RPH3A: variants seen among roughly 807,000 people sequenced by gnomAD.
RPH3A encodes the protein rabphilin-3A.
A neutral mutation model predicts 102.2 loss-of-function variants in RPH3A; 48 were observed. That is an observed-to-expected ratio of 0.47 (90% confidence interval 0.37 to 0.60). The LOEUF (loss-of-function observed/expected upper bound fraction) is 0.60, where lower values mean the gene tolerates loss of function less well. Ranked by LOEUF, RPH3A falls within the 20% of genes least tolerant of loss-of-function variation. RPH3A has a pLI of 0.00. For synonymous variants in RPH3A, 310 were observed against 324.3 expected (o/e 0.96, Z 0.47); for missense variants, 781 against 910.1 (o/e 0.86, Z 1.83).
chr12:112,789,534 T>C (rs1477718482), upstream of RPH3A, among the ~76,000 whole-genome samples: 1 of 152,174 alleles, frequency 6.6e-6, no homozygotes, highest in African/African-American at 2.4e-5. Flanking sequence ...GAATTTTATT[T>C]CTTGAGTCTA....
chr12:112,782,489 C>G (rs983476129), intron 1 of RPH3A, among the ~76,000 whole-genome samples: 6 of 152,198 alleles, frequency 3.9e-5, no homozygotes, highest in Non-Finnish European at 7.3e-5. Flanking sequence ...TTGGCAAGAA[C>G]AGGGATGGTA....
intron 4 of RPH3A, among the ~76,000 whole-genome samples, chr12:112,847,018 T>C (rs911669165): frequency 1.3e-5 from 2 of 152,008 alleles, no homozygotes; most frequent in East Asian, 3.9e-4. Flanking sequence ...CCCTGCCTTG[T>C]AGGGGTGATG....
chr12:112,733,246 A>C (rs113506738), intron 1 of RPH3A, among the ~76,000 whole-genome samples: 1,852 of 152,222 alleles, frequency 0.012, 39 homozygotes, highest in African/African-American at 0.042. Flanking sequence ...CATCTGAACA[A>C]ATACTTTCAC....
chr12:112,774,567 G>A (rs1028099173), intron 1 of RPH3A, among the ~76,000 whole-genome samples: 5 of 152,140 alleles, frequency 3.3e-5, no homozygotes, highest in African/African-American at 4.8e-5. Flanking sequence ...AAAGGTTTGG[G>A]TTGGTGAGAA....
chr12:112,859,736 C>T (rs1367221709), intron 5 of RPH3A, among the ~76,000 whole-genome samples: 2 of 152,216 alleles, frequency 1.3e-5, no homozygotes, highest in Non-Finnish European at 2.9e-5. Context: ...AATTCACCAG[C>T]AGATTCAAAC....
At chr12:112,757,430 A>C (rs1351149832) in intron 1 of RPH3A, among the ~76,000 whole-genome samples, 1 of 152,210 alleles carries the variant, frequency 6.6e-6, no homozygotes, top group East Asian at 1.9e-4. Context: ...TTAACAATTT[A>C]TTATATATTC....
At chr12:112,804,792 T>C (rs2041425634) in intron 2 of RPH3A, among the ~76,000 whole-genome samples, 1 of 152,236 alleles carries the variant, frequency 6.6e-6, no homozygotes, top group Admixed American at 6.5e-5. Flanking sequence ...TCCTACCTCT[T>C]AGGAATGAAC....
intron 1 of RPH3A, among the ~76,000 whole-genome samples, chr12:112,610,401 G>C (rs2039630122): frequency 6.6e-6 from 1 of 151,492 alleles, no homozygotes; most frequent in Non-Finnish European, 1.5e-5. Context: ...TACTTAGGAG[G>C]CTGGGGCAGG....
At chr12:112,704,957 T>A (rs2040418529) in intron 1 of RPH3A, among the ~76,000 whole-genome samples, 1 of 152,184 alleles carries the variant, frequency 6.6e-6, no homozygotes, top group Non-Finnish European at 1.5e-5. Flanking sequence ...ACTGGCTGAA[T>A]TGAATGCAGT....
At chr12:112,619,204 T>C (rs2039702717) in intron 1 of RPH3A, among the ~76,000 whole-genome samples, 1 of 152,014 alleles carries the variant, frequency 6.6e-6, no homozygotes, top group Non-Finnish European at 1.5e-5. Context: ...TTTTCAGTTC[T>C]CTTGGGTATA....
intron 1 of RPH3A, among the ~76,000 whole-genome samples, chr12:112,674,266 C>T (rs867248495): frequency 4.3e-4 from 65 of 152,064 alleles, no homozygotes; most frequent in African/African-American, 1.5e-3. Context: ...CTGTGTTGCT[C>T]AGGCTGGCAT....
chr12:112,833,000 A>C, intron 3 of RPH3A, among the ~76,000 whole-genome samples: 1 of 146,442 alleles, frequency 6.8e-6, no homozygotes. Context: ...GCAGTGGCAC[A>C]ATCTTGGCTC....
rs1218593842 is a variant in RPH3A, at chr12:112,828,351, C to G, written c.33C>G (p.Asn11Lys). 1 of 1,609,770 alleles carries G rather than the reference C, an allele frequency of 6.2e-7. No homozygotes were observed. Among genetic ancestry groups the G allele is most frequent in the East Asian group, 2.2e-5 (1 of 44,524 alleles). ...ACACCGTGTTCAGCAACAGTTCTAACCGTTGGATGTACCCCAGTGACCGGC... is the reference window on the plus strand; with the variant it reads ...ACACCGTGTTCAGCAACAGTTCTAAGCGTTGGATGTACCCCAGTGACCGGC... Reference protein sequence around the residue: MTDTVFSNSSNRWMYPSDRPL... With the variant: MTDTVFSNSSKRWMYPSDRPL... Residue 11 changes from asparagine to lysine, a missense_variant, in exon 3 of 22, where the codon AAC becomes AAG. Physicochemically the swap from Asn to Lys is moderately conservative, Grantham distance 94. Around this residue, in one of 2 missense-constraint regions of RPH3A, gnomAD observed 730 missense variants for 810.0 expected, o/e 0.90. Transcript: ENST00000389385.
At chr12:112,709,235 A>T (rs1294745692) in intron 1 of RPH3A, among the ~76,000 whole-genome samples, 1 of 152,216 alleles carries the variant, frequency 6.6e-6, no homozygotes, top group Admixed American at 6.5e-5. Context: ...TACTTTTAAT[A>T]ATAAAAGTAG....
At chr12:112,750,460 T>C (rs772112769) in intron 1 of RPH3A, among the ~76,000 whole-genome samples, 1 of 152,180 alleles carries the variant, frequency 6.6e-6, no homozygotes, top group Non-Finnish European at 1.5e-5. Context: ...ACCTCAGTTG[T>C]TCCATCTAAG....
intron 1 of RPH3A, among the ~76,000 whole-genome samples, chr12:112,595,203 A>G (rs1210353169): frequency 6.6e-6 from 1 of 152,206 alleles, no homozygotes; most frequent in African/African-American, 2.4e-5. Flanking sequence ...GAGTTAATTC[A>G]TGAAAAAGCT....
At position 112,797,047 on chromosome 12, in the gene RPH3A, A is replaced by C. The variant is rs185187876; in HGVS notation, c.-19+4784A>C. Among the ~76,000 whole-genome samples, 227 of 152,236 alleles carry C rather than the reference A, an allele frequency of 1.5e-3. 1 individual carries two copies. Among genetic ancestry groups the C allele is most frequent in the African/African-American group, 5.3e-3 (222 of 41,546 alleles). ...CCTAGGGTAAGACTCTGTCTCAAAA[A>C]AAAAGACACGATCCTTTTTGGGACT... On this transcript the variant is annotated intron_variant, in intron 2 of 21. Transcript: ENST00000389385.
chr12:112,667,300 A>G (rs1011699005), intron 1 of RPH3A, among the ~76,000 whole-genome samples: 1 of 152,184 alleles, frequency 6.6e-6, no homozygotes, highest in Non-Finnish European at 1.5e-5. Flanking sequence ...TAGGAATTAT[A>G]TATATACTCA....
At chr12:112,863,484 A>G (rs1007552180) in intron 5 of RPH3A, among the ~76,000 whole-genome samples, 6 of 152,028 alleles carry the variant, frequency 3.9e-5, no homozygotes, top group Non-Finnish European at 8.8e-5. Context: ...GGCCCAGCTA[A>G]TTTTTTTGTA....
Sources: gnomAD v4.1 joint callset for allele counts (sites outside exome capture counted in the v4.1 genomes callset) on GRCh38, gnomAD v4.1.1 for gene constraint, gnomAD v4.1.1 regional missense constraint, MANE v1.5 for transcripts, NCBI Gene and HGNC (gene_info 2026-07-23, HGNC 2026-07-21) for gene names.